Variants in ATR observed in about 807,000 individuals in gnomAD.
ATR encodes the protein ATR checkpoint kinase.
Under a neutral mutation model 305.3 loss-of-function variants are expected in ATR, and 142 were observed. The observed-to-expected ratio is 0.47, with a 90% CI of 0.41 to 0.53. ATR has a LOEUF of 0.53. Among genes scored for constraint, ATR ranks in the 20% least tolerant of loss-of-function variants. ATR has a pLI of 0.00. For synonymous variants in ATR, 1,050 were observed against 1,068.1 expected (o/e 0.98, Z 0.33); for missense variants, 2,135 against 3,133.1 (o/e 0.68, Z 7.60).
intron 29 of ATR, among the ~76,000 whole-genome samples, chr3:142,504,416 T>C (rs1245528823): frequency 1.3e-5 from 2 of 152,134 alleles, no homozygotes; most frequent in African/African-American, 4.8e-5. Flanking sequence ...TAATAAATCT[T>C]ATTCATTTAG....
chr3:142,503,509 AC>A (rs2032084275), intron 29 of ATR, 56 bp from the exon 30 acceptor site: 5 of 1,147,990 alleles, frequency 4.4e-6, no homozygotes, highest in Middle Eastern at 4.4e-4. Context: ...TAGCTTGGGG[AC>A]CAAAAACAGT....
intron 35 of ATR, among the ~76,000 whole-genome samples, chr3:142,486,171 AT>A (rs905591770): frequency 3.3e-5 from 5 of 150,170 alleles, no homozygotes; most frequent in Admixed American, 6.7e-5. Context: ...ATCACTGACA[AT>A]TTTTTTTTTA....
At chr3:142,487,965 T>A (rs748185478) in intron 35 of ATR, among the ~76,000 whole-genome samples, 1 of 152,230 alleles carries the variant, frequency 6.6e-6, no homozygotes, top group Non-Finnish European at 1.5e-5. Context: ...CCCCTCCAGA[T>A]AGATACACTT....
chr3:142,461,954 A>G lies in ATR; in HGVS notation c.7178T>C (p.Leu2393Pro). Residue 2393 changes from leucine (L) to proline (P), a missense_variant, in exon 42 of 47, where the codon CTA (leucine) becomes CCA (proline). Coordinates refer to ENST00000350721, the MANE Select transcript of ATR (RefSeq NM_001184.4). The part of the protein sequence containing the change: ...TAGLRPILTK[L>P]YKEKGVYMTG... ...AATTTTAGTACCCTTTTCTTTATAT[A>G]GTTTGGTCAGAATAGGTCTCAAACC... The G allele has an allele frequency of 1.9e-6, 3 of 1,613,576 alleles. No homozygotes were observed. Among genetic ancestry groups the G allele is most frequent in the Non-Finnish European group, 2.5e-6 (3 of 1,179,740 alleles).
chr3:142,519,212 C>T (rs957238594), intron 24 of ATR, among the ~76,000 whole-genome samples: 1 of 151,786 alleles, frequency 6.6e-6, no homozygotes, highest in African/African-American at 2.4e-5. Context: ...CTCATCTAGA[C>T]AAATTATAAG....
At position 142,561,416 on chromosome 3, in the gene ATR, C is replaced by A. The variant is rs2034873336; in HGVS notation, c.1176G>T (p.Leu392Phe). 1 of 1,613,158 alleles carries A rather than the reference C, an allele frequency of 6.2e-7. No individual in the cohort carries two copies. Among genetic ancestry groups the A allele is most frequent in the Non-Finnish European group, 8.5e-7 (1 of 1,179,572 alleles). Residue 392 changes from leucine (L) to phenylalanine (F), a missense_variant, in exon 5 of 47, where the codon TTG becomes TTT. This residue lies in a region of ATR where 744 missense variants were observed against 873.2 expected (regional missense o/e 0.85). Transcript: ENST00000350721. ...VLGIEVDAEY[L>F]LGPLYAALKM... Reference sequence around the variant, plus strand: ...TCAAAGCTGCATAAAGTGGGCCCAACAAGTACTGAGAAAATAAAAAATAAT... The same window carrying A: ...TCAAAGCTGCATAAAGTGGGCCCAAAAAGTACTGAGAAAATAAAAAATAAT...
intron 1 of ATR, 47 bp from the exon 2 acceptor site, chr3:142,568,201 C>T: frequency 1.3e-6 from 2 of 1,499,004 alleles, no homozygotes; most frequent in Non-Finnish European, 1.9e-6. Context: ...GACTCAGTTT[C>T]ATTTGCAAAA....
chr3:142,515,753 A>T (rs1462745824), intron 24 of ATR, among the ~76,000 whole-genome samples: 1 of 152,082 alleles, frequency 6.6e-6, no homozygotes, highest in Non-Finnish European at 1.5e-5. Flanking sequence ...CTCTCTTCTT[A>T]TATAAGAAAA....
intron 30 of ATR, 52 bp downstream of exon 30, chr3:142,503,310 A>AAT: frequency 2.3e-6 from 3 of 1,305,272 alleles, no homozygotes; most frequent in Non-Finnish European, 3.3e-6. Context: ...ACTAACTAAA[A>AAT]ATTCTCCATT....
rs1418875255 is a variant in ATR at position 142,493,179 on chromosome 3, C to A, written c.6031G>T (p.Glu2011Ter). The A allele has an allele frequency of 6.2e-7, 1 of 1,613,328 alleles. No individual in the cohort carries two copies. The highest frequency in any genetic ancestry group is 2.2e-5 in the East Asian group (1 of 44,846). Residue 2011 changes from glutamate to a stop codon, truncating the protein, a stop_gained, in exon 35 of 47, where the codon GAA becomes TAA. Coordinates refer to ENST00000350721, the MANE Select transcript of ATR (RefSeq NM_001184.4). LOFTEE classifies it high-confidence loss of function. ...TTGCTTTCAAAGTTAGCTGTTTCTT[C>A]CATAAATCGGCCCACTAGTAGCATA... ...RAMLLVGRFM[E>*]ETANFESNAI...
chr3:142,568,247 C>A, intron 1 of ATR, 93 bp from the exon 2 acceptor site: 1 of 908,328 alleles, frequency 1.1e-6, no homozygotes, highest in South Asian at 1.4e-5. Flanking sequence ...CAAATGTGTT[C>A]AGTGTCAATG....
chr3:142,450,347 C>A, intron 46 of ATR: 1 of 1,260,944 alleles, frequency 7.9e-7, no homozygotes, highest in East Asian at 2.4e-5. Context: ...AAACCCAGTT[C>A]ATTCAAGACA....
At chr3:142,480,703 G>A (rs555756639) in intron 36 of ATR, among the ~76,000 whole-genome samples, 1 of 152,316 alleles carries the variant, frequency 6.6e-6, no homozygotes, top group East Asian at 1.9e-4. Flanking sequence ...TACAGAGGCA[G>A]GCAGGCCTCC....
At chr3:142,529,073 C>T (rs377585861) in intron 21 of ATR, among the ~76,000 whole-genome samples, 16 of 150,218 alleles carry the variant, frequency 1.1e-4, no homozygotes, top group Admixed American at 1.3e-4. Context: ...GTAGAGACAG[C>T]GTTTCACCAT....
intron 34 of ATR, 66 bp from the exon 35 acceptor site, chr3:142,493,377 ATTAG>A: frequency 6.9e-7 from 1 of 1,448,492 alleles, no homozygotes; most frequent in Non-Finnish European, 9.4e-7. Context: ...CTGCAAAAGT[ATTAG>A]TTCATTATGT....
chr3:142,520,505 T>G (rs2033101816), intron 23 of ATR, among the ~76,000 whole-genome samples: 5 of 152,232 alleles, frequency 3.3e-5, no homozygotes, highest in Middle Eastern at 3.4e-3. Context: ...AATGAATACA[T>G]CAAATATAAG....
intron 46 of ATR, chr3:142,450,257 C>G: frequency 1.4e-6 from 1 of 703,016 alleles, no homozygotes; most frequent in Admixed American, 2.0e-5. Flanking sequence ...ACCCCTACAA[C>G]AGCCAACTTT....
At chr3:142,546,217 T>G (rs1217012414) in intron 16 of ATR, among the ~76,000 whole-genome samples, 1 of 152,212 alleles carries the variant, frequency 6.6e-6, no homozygotes, top group Non-Finnish European at 1.5e-5. Flanking sequence ...AGTGGCTATG[T>G]TCCTCTACAA....
chr3:142,564,476 T>C (rs969497287), intron 3 of ATR, among the ~76,000 whole-genome samples: 1 of 152,172 alleles, frequency 6.6e-6, no homozygotes, highest in Non-Finnish European at 1.5e-5. Flanking sequence ...CTCAGCACAG[T>C]TCCAAAGTAA....
Sources: gnomAD v4.1 joint callset for allele counts (sites outside exome capture counted in the v4.1 genomes callset) on GRCh38, gnomAD v4.1.1 for gene constraint, gnomAD v4.1.1 regional missense constraint, MANE v1.5 for transcripts, NCBI Gene and HGNC (gene_info 2026-07-23, HGNC 2026-07-21) for gene names.